ERBB4: variants seen among roughly 807,000 people sequenced by gnomAD.
The protein encoded by ERBB4 is receptor tyrosine-protein kinase erbB-4.
ERBB4 carries 42 observed loss-of-function variants against 158.0 expected under a neutral mutation model. That is an observed-to-expected ratio of 0.27 (90% CI 0.21 to 0.34). ERBB4 has a LOEUF of 0.34. Among genes scored for constraint, ERBB4 ranks in the 10% least tolerant of loss-of-function variants. The pLI is 1.00. For missense variants in ERBB4, 1,333 were observed against 1,624.1 expected (o/e 0.82, Z 3.08); for synonymous variants, 583 against 558.7 (o/e 1.04, Z -0.61).
chr2:211,894,931 G>T (rs1323322690), intron 3 of ERBB4, among the ~76,000 whole-genome samples: 1 of 152,126 alleles, frequency 6.6e-6, no homozygotes, highest in East Asian at 1.9e-4. Flanking sequence ...GTTAAAATTA[G>T]TCAAATCAAA....
intron 2 of ERBB4, among the ~76,000 whole-genome samples, chr2:212,057,569 T>C (rs1263912551): frequency 6.6e-6 from 1 of 152,150 alleles, no homozygotes; most frequent in African/African-American, 2.4e-5. Context: ...ACAGAAATTA[T>C]AACAAACTGT....
At chr2:211,577,727 T>C (rs2067934456) in intron 19 of ERBB4, among the ~76,000 whole-genome samples, 2 of 152,206 alleles carry the variant, frequency 1.3e-5, no homozygotes, top group South Asian at 4.2e-4. Flanking sequence ...ATTATCTCAA[T>C]AGATGCAGCA....
chr2:211,389,228 G>A (rs564786756), intron 25 of ERBB4, among the ~76,000 whole-genome samples: 1 of 152,194 alleles, frequency 6.6e-6, no homozygotes, highest in African/African-American at 2.4e-5. Context: ...GTAGAGACGG[G>A]GTTTCACCAT....
chr2:212,100,192 G>A (rs1490505272), intron 2 of ERBB4, among the ~76,000 whole-genome samples: 1 of 152,106 alleles, frequency 6.6e-6, no homozygotes, highest in Admixed American at 6.6e-5. Flanking sequence ...TTCAGCTAAT[G>A]GGTTGTTATA....
rs148091255 is a variant in ERBB4, at chr2:211,475,995, A to C, written c.2488-44895T>G. Among the ~76,000 whole-genome samples, 987 of 152,232 alleles carry C rather than the reference A, an allele frequency of 6.5e-3. 10 individuals are homozygous for C. The highest frequency in any genetic ancestry group is 0.023 in the African/African-American group (949 of 41,546). On this transcript the variant is annotated intron_variant, in intron 20 of 27. Coordinates refer to ENST00000342788, the MANE Select transcript of ERBB4 (RefSeq NM_005235.3). ...AAATAACAAATATAAAAATGACTCA[A>C]GTATATGGCAAAATATTACGATCAC...
chr2:211,497,300 G>A (rs1267337814), intron 20 of ERBB4, among the ~76,000 whole-genome samples: 3 of 152,004 alleles, frequency 2.0e-5, no homozygotes, highest in Admixed American at 6.6e-5. Flanking sequence ...AAACAAAGAT[G>A]AGCATATAAT....
At chr2:212,228,234 C>A (rs1489003092) in intron 1 of ERBB4, among the ~76,000 whole-genome samples, 1 of 152,114 alleles carries the variant, frequency 6.6e-6, no homozygotes, top group Non-Finnish European at 1.5e-5. Context: ...TATAGATAAT[C>A]ATCTAAAAAC....
intron 1 of ERBB4, among the ~76,000 whole-genome samples, chr2:212,469,407 C>A (rs532546159): frequency 2.6e-5 from 4 of 152,128 alleles, no homozygotes; most frequent in Non-Finnish European, 5.9e-5. Context: ...TATTTCTACA[C>A]TAACTGTAAA....
chr2:211,585,200 A>C (rs2068233572), intron 19 of ERBB4, among the ~76,000 whole-genome samples: 1 of 152,100 alleles, frequency 6.6e-6, no homozygotes, highest in Non-Finnish European at 1.5e-5. Context: ...AAAATACAAA[A>C]AATTAGCTGG....
At chr2:212,117,334 T>A (rs1236184276) in intron 2 of ERBB4, among the ~76,000 whole-genome samples, 1 of 152,202 alleles carries the variant, frequency 6.6e-6, no homozygotes, top group Non-Finnish European at 1.5e-5. Context: ...TTTTTAATGC[T>A]TGTTTACCCA....
At chr2:211,870,549 C>T (rs2078319175) in intron 3 of ERBB4, among the ~76,000 whole-genome samples, 1 of 152,002 alleles carries the variant, frequency 6.6e-6, no homozygotes, top group Non-Finnish European at 1.5e-5. Flanking sequence ...GATCAAAATT[C>T]TAATCTCAAG....
At chr2:212,174,822 A>T (rs2081612797) in intron 1 of ERBB4, among the ~76,000 whole-genome samples, 1 of 152,058 alleles carries the variant, frequency 6.6e-6, no homozygotes, top group Non-Finnish European at 1.5e-5. Flanking sequence ...TCTCTTAAAG[A>T]ATTTAAATTG....
chr2:212,499,605 G>T (rs935738690), intron 1 of ERBB4, among the ~76,000 whole-genome samples: 3 of 152,044 alleles, frequency 2.0e-5, no homozygotes, highest in African/African-American at 7.2e-5. Flanking sequence ...AAAGGTACTG[G>T]TATACGAAAT....
chr2:211,694,512 ATT>A (rs2072937272), intron 12 of ERBB4, among the ~76,000 whole-genome samples: 2 of 151,688 alleles, frequency 1.3e-5, no homozygotes, highest in Admixed American at 6.6e-5. Context: ...ATTGTTAGTA[ATT>A]AGACAGTGTG....
At chr2:211,624,098 T>C in intron 17 of ERBB4, 54 bp from the exon 18 acceptor site, 1 of 1,606,814 alleles carries the variant, frequency 6.2e-7, no homozygotes, top group Admixed American at 1.7e-5. Context: ...CAGTCCTCTC[T>C]CTCTGTCTCT....
intron 2 of ERBB4, among the ~76,000 whole-genome samples, chr2:212,105,074 C>T (rs1459450757): frequency 2.0e-5 from 3 of 152,094 alleles, no homozygotes; most frequent in Non-Finnish European, 4.4e-5. Flanking sequence ...TTAGGAAATT[C>T]CCTAAAAAAT....
Position 211,381,914 on chromosome 2 carries a change from G to A in ERBB4, c.*1701C>T. 1 of 229,598 alleles carries A rather than the reference G, an allele frequency of 4.4e-6. No homozygotes were observed. Among genetic ancestry groups the A allele is most frequent in the East Asian group, 6.2e-5 (1 of 16,046 alleles). 14.2% of individuals were successfully genotyped at this position (229,598 alleles called of 1,614,324 possible). On this transcript the variant is annotated 3_prime_UTR_variant, in exon 28 of 28. Coordinates refer to ENST00000342788, the MANE Select transcript of ERBB4 (RefSeq NM_005235.3). Reference sequence around the variant, plus strand: ...CTAAGTTTCCTAATTATTGATGTGAGGCCCCCTTTACTTGGAGACTCATCT... The same window carrying A: ...CTAAGTTTCCTAATTATTGATGTGAAGCCCCCTTTACTTGGAGACTCATCT...
intron 9 of ERBB4, among the ~76,000 whole-genome samples, chr2:211,706,661 T>C (rs1485595460): frequency 1.3e-5 from 2 of 151,640 alleles, no homozygotes; most frequent in South Asian, 2.1e-4. Context: ...AACTAAGAAG[T>C]GCAATCAATA....
chr2:212,244,998 T>C (rs2084257848), intron 1 of ERBB4, among the ~76,000 whole-genome samples: 1 of 152,140 alleles, frequency 6.6e-6, no homozygotes. Context: ...TTTCCAATGT[T>C]ATACAAGTGC....
Sources: allele counts gnomAD v4.1 joint callset (sites outside exome capture counted in the v4.1 genomes callset), GRCh38; gene constraint gnomAD v4.1.1; transcripts MANE v1.5; gene names NCBI Gene and HGNC (gene_info 2026-07-23, HGNC 2026-07-21).